The following ST3GAL3 variants were observed in gnomAD, a reference collection of about 807,000 sequenced individuals.
ST3GAL3 encodes the protein CMP-N-acetylneuraminate-beta-1,4-galactoside alpha-2,3-sialyltransferase.
Under a neutral mutation model 50.1 loss-of-function variants are expected in ST3GAL3, and 21 were observed. The ratio of observed to expected loss-of-function variants is 0.42; its 90% CI spans 0.30 to 0.60. ST3GAL3 has a LOEUF of 0.60. ST3GAL3 is among the 20% of genes least tolerant of loss of function. The probability of loss-of-function intolerance (pLI) is 0.19; values close to 1 mark genes in which losing one functional copy is unlikely to be tolerated. For missense variants in ST3GAL3, 353 were observed against 489.4 expected (o/e 0.72, Z 2.63); for synonymous variants, 183 against 190.0 (o/e 0.96, Z 0.30).
chr1:43,851,711 G>A, intron 5 of ST3GAL3: 2 of 1,283,014 alleles, frequency 1.6e-6, no homozygotes, highest in Non-Finnish European at 2.2e-6. Flanking sequence ...ATCCTTGTGG[G>A]CCCTGTTGAC....
Position 43,920,409 on chromosome 1 carries a change from A to C in ST3GAL3, c.750A>C (p.Ala250=). ...KYIVYKERVS[A]SDGFWKSVAT... The stretch of plus-strand genomic sequence containing the variant: ...CGCTTTTGCTGTGTCCACAGAGTGC[A>C]TCGGATGGCTTCTGGAAATCTGTGG... Residue 250 remains alanine (A), a synonymous_variant, in exon 10 of 12, where the codon GCA becomes GCC. Transcript: ENST00000347631. 1 of 1,614,056 alleles carries C rather than the reference A, an allele frequency of 6.2e-7. No homozygotes were observed. Among genetic ancestry groups the C allele is most frequent in the East Asian group, 2.2e-5 (1 of 44,844 alleles).
intron 11 of ST3GAL3, among the ~76,000 whole-genome samples, chr1:43,928,832 C>T (rs775351951): frequency 3.9e-5 from 6 of 152,148 alleles, no homozygotes; most frequent in Non-Finnish European, 5.9e-5. Flanking sequence ...TCGCTTGAAC[C>T]TGGGAGGCAG....
At chr1:43,878,777 A>G (rs957093105) in intron 5 of ST3GAL3, among the ~76,000 whole-genome samples, 9 of 152,222 alleles carry the variant, frequency 5.9e-5, no homozygotes, top group African/African-American at 2.2e-4. Flanking sequence ...AGTTTTATCA[A>G]GAGGGAAGAG....
chr1:43,920,505 C>T lies in ST3GAL3; in HGVS notation c.846C>T (p.Phe282=). 6.2e-7 allele frequency: 1 copy of T among 1,614,230 alleles called. No homozygotes were observed. The highest frequency in any genetic ancestry group is 1.1e-5 in the South Asian group (1 of 91,086). ...CATATTTCATCCAGGAGGCCGCCTTCACCCTCATTGGCCTGCCCTTCAACA... is the reference window on the plus strand; with the variant it reads ...CATATTTCATCCAGGAGGCCGCCTTTACCCTCATTGGCCTGCCCTTCAACA... ...LNPYFIQEAA[F]TLIGLPFNNG... is the part of the protein sequence containing the mutation. The change falls in exon 10 of 12, where the codon TTC becomes TTT. Residue 282 remains phenylalanine (F), a synonymous_variant. Transcript: ENST00000347631.
chr1:43,720,741 C>T (rs1359725054), intron 1 of ST3GAL3, among the ~76,000 whole-genome samples: 1 of 152,110 alleles, frequency 6.6e-6, no homozygotes, highest in Non-Finnish European at 1.5e-5. Flanking sequence ...TTTTGGGGGA[C>T]ATGTTCAAAC....
intron 9 of ST3GAL3, among the ~76,000 whole-genome samples, chr1:43,900,335 C>A (rs546455107): frequency 2.5e-4 from 38 of 152,316 alleles, no homozygotes; most frequent in African/African-American, 7.9e-4. Context: ...TGAGTCTGAT[C>A]ATTGGGAATG....
chr1:43,863,658 C>T (rs895171743), intron 5 of ST3GAL3, among the ~76,000 whole-genome samples: 2 of 152,296 alleles, frequency 1.3e-5, no homozygotes, highest in South Asian at 2.1e-4. Flanking sequence ...AGCCAGCTTC[C>T]GCCCCCTAAA....
intron 5 of ST3GAL3, among the ~76,000 whole-genome samples, chr1:43,877,825 G>T (rs1392522182): frequency 6.6e-6 from 1 of 152,242 alleles, no homozygotes; most frequent in South Asian, 2.1e-4. Context: ...TTCCCTGAAG[G>T]TAGAGGGTCT....
chr1:43,817,651 C>T (rs2061514698), intron 4 of ST3GAL3, among the ~76,000 whole-genome samples: 1 of 135,444 alleles, frequency 7.4e-6, no homozygotes, highest in African/African-American at 2.8e-5. Context: ...TCTCCTCCTC[C>T]TCCTTCTCCT....
chr1:43,761,824 G>A (rs953674471), intron 2 of ST3GAL3, among the ~76,000 whole-genome samples: 36 of 151,572 alleles, frequency 2.4e-4, no homozygotes, highest in African/African-American at 7.5e-4. Flanking sequence ...GGTGGTGGGC[G>A]CCTGTAGTCC....
intron 2 of ST3GAL3, among the ~76,000 whole-genome samples, chr1:43,790,039 C>T (rs997753057): frequency 2.0e-5 from 3 of 152,182 alleles, no homozygotes; most frequent in Admixed American, 1.3e-4. Flanking sequence ...ATGGATCTAT[C>T]TTTAACTGGC....
intron 2 of ST3GAL3, among the ~76,000 whole-genome samples, chr1:43,773,157 T>G (rs990738243): frequency 1.3e-5 from 2 of 152,230 alleles, no homozygotes; most frequent in African/African-American, 4.8e-5. Flanking sequence ...TGAGGGTTAT[T>G]GAGTGTTGTA....
chr1:43,722,555 A>G (rs1382194594), intron 1 of ST3GAL3, among the ~76,000 whole-genome samples: 1 of 152,208 alleles, frequency 6.6e-6, no homozygotes, highest in East Asian at 1.9e-4. Flanking sequence ...TAGGAGGCTT[A>G]CTAGGCTATT....
At chr1:43,756,494 CAT>C (rs1231907237) in intron 2 of ST3GAL3, among the ~76,000 whole-genome samples, 2 of 151,982 alleles carry the variant, frequency 1.3e-5, no homozygotes, top group Non-Finnish European at 2.9e-5. Context: ...AGAAAAAGCA[CAT>C]GATATAAAAC....
rs184711606 is a variant in ST3GAL3, at chr1:43,723,244, G to T, written c.-30-12989G>T. The stretch of plus-strand genomic sequence containing the variant: ...CTGCCTCAGCCTCCTGAGTAGCTGG[G>T]ATTACAGGCACGCACCACCACACCC... On this transcript the variant is annotated intron_variant, in intron 1 of 11. Coordinates refer to ENST00000347631, the MANE Select transcript of ST3GAL3 (RefSeq NM_006279.5). Among the ~76,000 whole-genome samples the T allele has an allele frequency of 1.3e-3, 203 of 152,168 alleles. 1 individual carries two copies. The highest frequency in any genetic ancestry group is 2.1e-3 in the Non-Finnish European group (141 of 68,002).
intron 11 of ST3GAL3, among the ~76,000 whole-genome samples, chr1:43,928,151 C>A (rs1035522102): frequency 6.6e-6 from 1 of 152,136 alleles, no homozygotes; most frequent in African/African-American, 2.4e-5. Flanking sequence ...GTAAAAAATT[C>A]ATTTATTTAT....
chr1:43,850,993 T>TGGC (rs2067188224), intron 5 of ST3GAL3: 1 of 879,884 alleles, frequency 1.1e-6, no homozygotes, highest in African/African-American at 1.6e-5. Flanking sequence ...TGAGTGGTGG[T>TGGC]GGCAGTGTTC....
At chr1:43,708,842 A>G (rs1557943184) in intron 1 of ST3GAL3, among the ~76,000 whole-genome samples, 1 of 152,216 alleles carries the variant, frequency 6.6e-6, no homozygotes. Flanking sequence ...CAGACTTTGT[A>G]TCAATCAATG....
chr1:43,905,608 C>A (rs202229704), intron 9 of ST3GAL3, among the ~76,000 whole-genome samples: 225 of 18,976 alleles, frequency 0.012, 14 homozygotes, highest in Admixed American at 0.03. Flanking sequence ...CACTGTTTCT[C>A]CCCCTCCTCC....
Sources: gnomAD v4.1 joint callset for allele counts (sites outside exome capture counted in the v4.1 genomes callset) on GRCh38, gnomAD v4.1.1 for gene constraint, MANE v1.5 for transcripts, NCBI Gene and HGNC (gene_info 2026-07-23, HGNC 2026-07-21) for gene names.